Variants in BCAS3 observed in about 807,000 individuals in gnomAD.
BCAS3 encodes BCAS3 microtubule associated cell migration factor.
BCAS3 carries 53 observed loss-of-function variants against 116.1 expected under a neutral mutation model. That is an observed-to-expected ratio of 0.46 (90% confidence interval 0.37 to 0.57). The LOEUF (loss-of-function observed/expected upper bound fraction) is 0.57, where lower values mean the gene tolerates loss of function less well. Among genes scored for constraint, BCAS3 ranks in the 20% least tolerant of loss-of-function variants. The pLI is 0.00. For missense variants in BCAS3, 917 were observed against 1,165.4 expected, an observed-to-expected ratio of 0.79 and a Z score of 3.10; for synonymous variants, 391 against 408.2, an observed-to-expected ratio of 0.96 and a Z score of 0.51.
rs2058147482 is a variant in BCAS3 at position 61,356,509 on chromosome 17, T to C, written c.2426-11818T>C. Among the ~76,000 whole-genome samples the C allele has an allele frequency of 6.6e-6, 1 of 151,938 alleles. No homozygotes were observed. Among genetic ancestry groups the C allele is most frequent in the African/African-American group, 2.4e-5 (1 of 41,348 alleles). ...ATGTGGAGCCAGTCGAGATTCTCCT[T>C]ACTGGGACCTACACTGATGACTGAT... On this transcript the variant is annotated intron_variant, in intron 22 of 23. Coordinates refer to ENST00000407086, the MANE Select transcript of BCAS3 (RefSeq NM_017679.5). The surrounding 1 kb of genome is among the most constrained non-coding windows in gnomAD (Gnocchi z 5.4).
chr17:60,691,651 A>G (rs1179968327), intron 4 of BCAS3, among the ~76,000 whole-genome samples: 1 of 149,904 alleles, frequency 6.7e-6, no homozygotes, highest in Non-Finnish European at 1.5e-5. Context: ...TATTAGATAT[A>G]TGATTTAACA....
intron 7 of BCAS3, among the ~76,000 whole-genome samples, chr17:60,855,312 G>A (rs542924699): frequency 2.4e-4 from 37 of 151,284 alleles, no homozygotes; most frequent in African/African-American, 8.7e-4. Flanking sequence ...GGTGGTTCGT[G>A]TGCTAGTTGC....
chr17:60,821,010 A>C (rs1344896412), intron 7 of BCAS3, among the ~76,000 whole-genome samples: 1 of 152,122 alleles, frequency 6.6e-6, no homozygotes, highest in Non-Finnish European at 1.5e-5. Context: ...GCAGTGGCAC[A>C]ATCTCGGCTC....
chr17:60,979,470 C>G (rs2062647230), intron 14 of BCAS3, among the ~76,000 whole-genome samples: 1 of 148,298 alleles, frequency 6.7e-6, no homozygotes, highest in Non-Finnish European at 1.5e-5. Context: ...TTGACTTCCT[C>G]TTGAATACAC....
chr17:60,734,379 T>C (rs1375768906), intron 5 of BCAS3, among the ~76,000 whole-genome samples: 1 of 152,126 alleles, frequency 6.6e-6, no homozygotes, highest in East Asian at 1.9e-4. Context: ...GTCCTCCCAC[T>C]TCAGCCTCCC....
At chr17:61,335,865 C>A (rs796744004) in intron 22 of BCAS3, among the ~76,000 whole-genome samples, 8 of 152,384 alleles carry the variant, frequency 5.2e-5, no homozygotes, top group African/African-American at 1.9e-4. Context: ...AAACGCAAAG[C>A]ACCAGAGTCT....
Position 60,717,276 on chromosome 17 carries a change from C to T in BCAS3, c.321+7951C>T, listed in dbSNP as rs374684757. ...TGTCACCCAGGCTGGAGTGCAGTGGCGTGGTTTTGGCTCACTGCAACCTCC... is the reference window on the plus strand; with the variant it reads ...TGTCACCCAGGCTGGAGTGCAGTGGTGTGGTTTTGGCTCACTGCAACCTCC... On this transcript the variant is annotated intron_variant, in intron 5 of 23. Transcript: ENST00000407086. 5.4e-5 allele frequency among the ~76,000 whole-genome samples: 8 copies of T among 148,526 alleles called. No individual in the cohort carries two copies. In the East Asian group the frequency reaches 1.4e-3, roughly 26 times the overall value.
At chr17:61,263,885 C>T (rs980326759) in intron 22 of BCAS3, among the ~76,000 whole-genome samples, 29 of 152,118 alleles carry the variant, frequency 1.9e-4, no homozygotes, top group Admixed American at 5.2e-4. Flanking sequence ...AAATGATTAT[C>T]CACATAGGAA....
chr17:61,220,629 G>A lies in BCAS3; in HGVS notation c.2425+136065G>A, dbSNP rs994164663. ...GACACTACATTGATTTCCCCCCTGTGGCGCCAAAGACAGTTCTTGATCTCT... is the reference window on the plus strand; with the variant it reads ...GACACTACATTGATTTCCCCCCTGTAGCGCCAAAGACAGTTCTTGATCTCT... On this transcript the variant is annotated intron_variant, in intron 22 of 23. Transcript: ENST00000407086. This position sits in a 1 kb window ranked among gnomAD's most constrained non-coding sequence, Gnocchi z 4.5. Among the ~76,000 whole-genome samples, 3 of 151,954 alleles carry A rather than the reference G, an allele frequency of 2.0e-5. No homozygotes were observed. Among genetic ancestry groups the A allele is most frequent in the Non-Finnish European group, 4.4e-5 (3 of 67,990 alleles).
At position 60,713,747 on chromosome 17, in the gene BCAS3, G is replaced by A. The variant is rs971761569; in HGVS notation, c.321+4422G>A. Among the ~76,000 whole-genome samples the A allele has an allele frequency of 1.7e-4, 26 of 152,236 alleles. 1 individual carries two copies. The highest frequency in any genetic ancestry group is 3.9e-4 in the Admixed American group (6 of 15,276). ...ATGCCATTTTATGTAAAGGACTTGA[G>A]CATGATGGACTTTGGTATTCATGGG... On this transcript the variant is annotated intron_variant, in intron 5 of 23. Transcript: ENST00000407086.
At position 61,220,271 on chromosome 17, in the gene BCAS3, G is replaced by T. The variant is rs1035616483; in HGVS notation, c.2425+135707G>T. Among the ~76,000 whole-genome samples, 7 of 149,470 alleles carry T rather than the reference G, an allele frequency of 4.7e-5. No homozygotes were observed. Among genetic ancestry groups the T allele is most frequent in the Non-Finnish European group, 7.4e-5 (5 of 67,648 alleles). Reference sequence around the variant, plus strand: ...ATTGTGCCACTGCACTTCAGCCTGGGCAACAGAGTGAGACTCCATCTCAAA... The same window carrying T: ...ATTGTGCCACTGCACTTCAGCCTGGTCAACAGAGTGAGACTCCATCTCAAA... On this transcript the variant is annotated intron_variant, in intron 22 of 23. Coordinates refer to ENST00000407086, the MANE Select transcript of BCAS3 (RefSeq NM_017679.5). This position sits in a 1 kb window ranked among gnomAD's most constrained non-coding sequence, Gnocchi z 4.5.
In BCAS3 at chr17:61,213,420, G is replaced by A. The variant is rs553771566; in HGVS notation, c.2425+128856G>A. ...CCTGACCTCGTGATCCACCCGCCTC[G>A]ACTTCCCAAAGTGCTGGGATTACAG... On this transcript the variant is annotated intron_variant, in intron 22 of 23. Coordinates refer to ENST00000407086, the MANE Select transcript of BCAS3 (RefSeq NM_017679.5). This position sits in a 1 kb window ranked among gnomAD's most constrained non-coding sequence, Gnocchi z 5.4. Among the ~76,000 whole-genome samples the A allele has an allele frequency of 9.2e-5, 14 of 152,072 alleles. No individual in the cohort carries two copies. The highest frequency in any genetic ancestry group is 8.3e-4 in the South Asian group (4 of 4,816).
At chr17:61,271,990 T>TGAGAC (rs2050325748) in intron 22 of BCAS3, among the ~76,000 whole-genome samples, 1 of 151,566 alleles carries the variant, frequency 6.6e-6, no homozygotes, top group African/African-American at 2.4e-5. Context: ...TTTTATTTTT[T>TGAGAC]GTAGAGATGA....
At chr17:60,790,116 A>G (rs2046631364) in intron 6 of BCAS3, among the ~76,000 whole-genome samples, 1 of 152,096 alleles carries the variant, frequency 6.6e-6, no homozygotes, top group African/African-American at 2.4e-5. Context: ...TTAAAATTTT[A>G]GCTTCTTTGA....
intron 7 of BCAS3, among the ~76,000 whole-genome samples, chr17:60,827,067 G>T (rs1198867631): frequency 1.3e-5 from 2 of 152,174 alleles, no homozygotes; most frequent in Admixed American, 1.3e-4. Flanking sequence ...ATAGAATAAT[G>T]GAACTAACAA....
At chr17:61,273,255 C>T (rs917602742) in intron 22 of BCAS3, among the ~76,000 whole-genome samples, 2 of 151,844 alleles carry the variant, frequency 1.3e-5, no homozygotes, top group African/African-American at 4.8e-5. Flanking sequence ...ACTACAGGCG[C>T]GCACCACCAC....
At chr17:61,277,262 C>CAAAAAAAAAA (rs58849968) in intron 22 of BCAS3, among the ~76,000 whole-genome samples, 2 of 101,744 alleles carry the variant, frequency 2.0e-5, no homozygotes, top group Non-Finnish European at 3.7e-5. Flanking sequence ...GACCCTGTAT[C>CAAAAAAAAAA]AAAAAAAAAA....
At chr17:61,292,298 T>C (rs1005954837) in intron 22 of BCAS3, among the ~76,000 whole-genome samples, 2 of 152,224 alleles carry the variant, frequency 1.3e-5, no homozygotes, top group African/African-American at 4.8e-5. Context: ...TTTTCTTTTT[T>C]ATTCCAGGTA....
rs2082572392 is a variant in BCAS3 at position 61,229,916 on chromosome 17, G to C, written c.2426-138411G>C. On this transcript the variant is annotated intron_variant, in intron 22 of 23. Coordinates refer to ENST00000407086, the MANE Select transcript of BCAS3 (RefSeq NM_017679.5). The surrounding 1 kb of genome is among the most constrained non-coding windows in gnomAD (Gnocchi z 4.4). Reference sequence around the variant, plus strand: ...AAGGCGGGCGGTTCACCTGAGGTCAGGAGTTCAAGACCAGCCTGGCCAATA... The same window carrying C: ...AAGGCGGGCGGTTCACCTGAGGTCACGAGTTCAAGACCAGCCTGGCCAATA... 6.6e-6 allele frequency among the ~76,000 whole-genome samples: 1 copy of C among 152,214 alleles called. No homozygotes were observed. The highest frequency in any genetic ancestry group is 1.5e-5 in the Non-Finnish European group (1 of 68,038).
Sources: allele counts gnomAD v4.1 joint callset (sites outside exome capture counted in the v4.1 genomes callset), GRCh38; gene constraint gnomAD v4.1.1; non-coding constraint Gnocchi (gnomAD v3.1); transcripts MANE v1.5; gene names NCBI Gene and HGNC (gene_info 2026-07-23, HGNC 2026-07-21).